LZTS3: variants seen among roughly 807,000 people sequenced by gnomAD.
The protein encoded by LZTS3 is leucine zipper putative tumor suppressor 3.
In LZTS3, 16 loss-of-function variants were observed where a neutral mutation model predicts 50.9. That is an observed-to-expected ratio of 0.31 (90% CI 0.21 to 0.48). LZTS3 has a LOEUF of 0.48. Among genes scored for constraint, LZTS3 ranks in the 20% least tolerant of loss-of-function variants. The pLI, the probability that LZTS3 is intolerant of heterozygous loss-of-function variation, is 0.99. For synonymous variants in LZTS3, 408 were observed against 410.6 expected, an observed-to-expected ratio of 0.99 and a Z score of 0.08; for missense variants, 816 against 931.0, an observed-to-expected ratio of 0.88 and a Z score of 1.61.
intron 3 of LZTS3, 36 bp downstream of exon 3, chr20:3,166,669 A>G (rs749647519): frequency 6.3e-7 from 1 of 1,594,282 alleles, no homozygotes; most frequent in East Asian, 2.3e-5. Flanking sequence ...CACCCCCAGA[A>G]AAAGGCTGTG....
intron 1 of LZTS3, among the ~76,000 whole-genome samples, chr20:3,170,355 G>C (rs1365401121): frequency 6.6e-6 from 1 of 151,758 alleles, no homozygotes; most frequent in Non-Finnish European, 1.5e-5. Context: ...GCTGGGCGTG[G>C]TGGTGCGCGC....
In LZTS3 at chr20:3,167,172, C is replaced by G; in HGVS notation, c.-9G>C. On this transcript the variant is annotated 5_prime_UTR_variant, in exon 3 of 5. Transcript: ENST00000337576. ...GTCTCCAGCTTCGCCATGACTAAGC[C>G]AGGGGGGCACTGTGGGCACAGGTGG... is the stretch of plus-strand genomic sequence containing the variant. 2 of 1,462,144 alleles carry G rather than the reference C, an allele frequency of 1.4e-6. No homozygotes were observed. The highest frequency in any genetic ancestry group is 9.0e-7 in the Non-Finnish European group (1 of 1,112,266). 90.6% of individuals were successfully genotyped at this position (1,462,144 alleles called of 1,614,324 possible).
intron 1 of LZTS3, chr20:3,168,568 G>C (rs1006374): frequency 0.14 from 21,755 of 152,348 alleles, 1,732 homozygotes; most frequent in Non-Finnish European, 0.18. Flanking sequence ...AGCGCAGGGG[G>C]AGCCAGGCCT....
intron 1 of LZTS3, among the ~76,000 whole-genome samples, chr20:3,169,868 G>C (rs1203135353): frequency 7.6e-6 from 1 of 131,402 alleles, no homozygotes; most frequent in Non-Finnish European, 1.6e-5. Flanking sequence ...GACAGAGCGA[G>C]ACTCTTTCCT....
chr20:3,172,772 G>T (rs1401291250), intron 1 of LZTS3, among the ~76,000 whole-genome samples: 1 of 152,206 alleles, frequency 6.6e-6, no homozygotes, highest in African/African-American at 2.4e-5. Flanking sequence ...GTGAATCCGG[G>T]CAGGGAGAGC....
At position 3,165,805 on chromosome 20, in the gene LZTS3, G is replaced by A. The variant is rs1282850411; in HGVS notation, c.1015C>T (p.Arg339Trp). Reference protein sequence around the residue: ...WEKEQEVAALRRSLEQSEAAV... With the variant: ...WEKEQEVAALWRSLEQSEAAV... ...GCCTCGCTCTGCTCCAGGCTGCGCC[G>A]CAGAGCTGCCACCTCCTGCTCCTTC... Residue 339 changes from arginine (R) to tryptophan (W), a missense_variant, in exon 4 of 5, where the codon CGG becomes TGG. Arg to Trp is a moderately radical substitution (Grantham distance 101). Coordinates refer to ENST00000337576, the MANE Select transcript of LZTS3 (RefSeq NM_001365618.1). This position sits in a 1 kb window ranked among gnomAD's most constrained non-coding sequence, Gnocchi z 5.0. 6.9e-6 allele frequency: 11 copies of A among 1,597,572 alleles called. No individual in the cohort carries two copies. The highest frequency in any genetic ancestry group is 2.2e-5 in the East Asian group (1 of 44,566).
chr20:3,170,494 A>AAAAAAAAAAAAAAAG, intron 1 of LZTS3, among the ~76,000 whole-genome samples: 1 of 149,258 alleles, frequency 6.7e-6, no homozygotes, highest in Non-Finnish European at 1.5e-5. Flanking sequence ...ATCAAAAAAA[A>AAAAAAAAAAAAAAAG]AAAAAAAAAA....
chr20:3,165,986 A>G lies in LZTS3; in HGVS notation c.834T>C (p.Ser278=), dbSNP rs1367960255. 4.3e-6 allele frequency: 7 copies of G among 1,613,300 alleles called. No homozygotes were observed. Among genetic ancestry groups the G allele is most frequent in the Non-Finnish European group, 5.9e-6 (7 of 1,180,000 alleles). Residue 278 remains serine (S), a synonymous_variant, in exon 4 of 5, where the codon AGT becomes AGC. Coordinates refer to ENST00000337576, the MANE Select transcript of LZTS3 (RefSeq NM_001365618.1). The surrounding 1 kb of genome is among the most constrained non-coding windows in gnomAD (Gnocchi z 5.0). ...SGYQDLGTSD[S]GRASSKSGSS... ...ACCCACTCTTGCTGGAGGCCCGTCC[A>G]CTATCGGAGGTCCCCAGGTCCTGGT...
chr20:3,167,532 A>G (rs926151733), intron 2 of LZTS3: 6 of 1,045,234 alleles, frequency 5.7e-6, no homozygotes, highest in Non-Finnish European at 4.6e-6. Flanking sequence ...GACCCTCTCA[A>G]CTCTTTGCTG....
chr20:3,164,502 C>T lies in LZTS3; in HGVS notation c.1974G>A (p.Lys658=). The change falls in exon 5 of 5, where the codon AAG becomes AAA. Residue 658 remains lysine (K), a synonymous_variant. Coordinates refer to ENST00000337576, the MANE Select transcript of LZTS3 (RefSeq NM_001365618.1). ...GCTCGAGGCGGGAGGGGGTCCAGGCCTTCTTCTCCTCGCCATGCTGGGGAG... is the reference window on the plus strand; with the variant it reads ...GCTCGAGGCGGGAGGGGGTCCAGGCTTTCTTCTCCTCGCCATGCTGGGGAG... The part of the protein sequence containing the change: ...TPTPQHGEEK[K]AWTPSRLERI... The T allele has an allele frequency of 1.3e-6, 2 of 1,582,474 alleles. No individual in the cohort carries two copies. The highest frequency in any genetic ancestry group is 8.6e-7 in the Non-Finnish European group (1 of 1,162,516).
rs752426205 is a variant in LZTS3 at position 3,165,583 on chromosome 20, G to A, written c.1237C>T (p.Gln413Ter). Residue 413 changes from glutamine (Q) to a stop codon, truncating the protein, a stop_gained, in exon 4 of 5, where the codon CAG (glutamine) becomes TAG (stop). Transcript: ENST00000337576. LOFTEE classifies it high-confidence loss of function. The surrounding 1 kb of genome is among the most constrained non-coding windows in gnomAD (Gnocchi z 5.0). ...LQEEAARLMR[Q>*]REELEDKVAA... ...ACCTTGTCCTCCAGCTCTTCCCGCT[G>A]CCGCATCAGCCGGGCCGCCTCCTCC... The A allele has an allele frequency of 6.3e-7, 1 of 1,596,176 alleles. No homozygotes were observed.
intron 1 of LZTS3, among the ~76,000 whole-genome samples, chr20:3,170,963 A>G (rs560859599): frequency 1.3e-5 from 2 of 152,312 alleles, no homozygotes; most frequent in Non-Finnish European, 2.9e-5. Flanking sequence ...CCATGGTAGA[A>G]ACCTGTGTGT....
At chr20:3,167,575 G>A in intron 2 of LZTS3, 163 bp downstream of exon 2, 1 of 1,004,952 alleles carries the variant, frequency 1.0e-6, no homozygotes, top group Non-Finnish European at 1.2e-6. Flanking sequence ...TTTATCTTGG[G>A]TCTGGGACCC....
intron 1 of LZTS3, among the ~76,000 whole-genome samples, chr20:3,170,486 C>CAAAAAAAAAA (rs397955055): frequency 0.02 from 1,416 of 72,404 alleles, 174 homozygotes; most frequent in East Asian, 0.07. Context: ...GAGACTACAT[C>CAAAAAAAAAA]AAAAAAAAAA....
At chr20:3,168,686 C>G (rs2066865902) in intron 1 of LZTS3, 1 of 152,304 alleles carries the variant, frequency 6.6e-6, no homozygotes, top group Non-Finnish European at 1.5e-5. Flanking sequence ...GGCAGGAGCA[C>G]CAGGCAGTGT....
intron 1 of LZTS3, among the ~76,000 whole-genome samples, chr20:3,170,491 A>ACAAAAAAC (rs1555768554): frequency 4.3e-5 from 6 of 140,172 alleles, no homozygotes; most frequent in East Asian, 4.8e-4. Flanking sequence ...TACATCAAAA[A>ACAAAAAAC]AAAAAAAAAA....
chr20:3,167,657 C>A, intron 2 of LZTS3, 81 bp downstream of exon 2: 2 of 988,014 alleles, frequency 2.0e-6, no homozygotes, highest in Non-Finnish European at 2.4e-6. Context: ...CAACAGGGAA[C>A]CAACCTCAGA....
Position 3,166,073 on chromosome 20 carries a change from G to A in LZTS3, c.747C>T (p.Asn249=), listed in dbSNP as rs547389939. Residue 249 remains asparagine, a synonymous_variant, in exon 4 of 5, where the codon AAC becomes AAT. Coordinates refer to ENST00000337576, the MANE Select transcript of LZTS3 (RefSeq NM_001365618.1). ...TACCATAGCTGGCAGTGCCAATGCG[G>A]TTAATGTGGCTGGTGGAGGCACTGA... ...APLSASTSHI[N]RIGTASYGSG... 18 of 1,612,912 alleles carry A rather than the reference G, an allele frequency of 1.1e-5. No individual in the cohort carries two copies. The African/African-American group carries it at 1.7e-4, about 16-fold the overall frequency.
chr20:3,167,024 G>A lies in LZTS3; in HGVS notation c.140C>T (p.Ala47Val). The A allele has an allele frequency of 6.3e-7, 1 of 1,585,770 alleles. No homozygotes were observed. Reference sequence around the variant, plus strand: ...CACGCTCTTCATGGCAAACTCCTGGGCATGGGCCACCCCACTGCCCACGCT... The same window carrying A: ...CACGCTCTTCATGGCAAACTCCTGGACATGGGCCACCCCACTGCCCACGCT... ...MGSVGSGVAHAQEFAMKSVGT... is the reference protein window; with the variant it reads ...MGSVGSGVAHVQEFAMKSVGT... The change falls in exon 3 of 5, where the codon GCC becomes GTC. Residue 47 changes from alanine (A) to valine (V), a missense_variant. Coordinates refer to ENST00000337576, the MANE Select transcript of LZTS3 (RefSeq NM_001365618.1).
Sources: allele counts gnomAD v4.1 joint callset (sites outside exome capture counted in the v4.1 genomes callset), GRCh38; gene constraint gnomAD v4.1.1; non-coding constraint Gnocchi (gnomAD v3.1); transcripts MANE v1.5; gene names NCBI Gene and HGNC (gene_info 2026-07-23, HGNC 2026-07-21).